The following TMC2 variants were observed in gnomAD, a reference collection of about 807,000 sequenced individuals.
TMC2 encodes the protein transmembrane channel-like protein 2.
TMC2 carries 102 observed loss-of-function variants against 105.9 expected under a neutral mutation model. That is an observed-to-expected ratio of 0.96 (90% CI 0.82 to 1.14). TMC2 has a LOEUF of 1.14. TMC2 is among the 50% of genes most tolerant of loss of function. The pLI is 0.00. For missense variants in TMC2, 1,093 were observed against 1,134.3 expected (o/e 0.96, Z 0.52); for synonymous variants, 402 against 422.8 (o/e 0.95, Z 0.60).
At chr20:2,579,376 G>GATTT (rs1186810931) in intron 6 of TMC2, 149 bp downstream of exon 6, 5 of 312,148 alleles carry the variant, frequency 1.6e-5, no homozygotes, top group African/African-American at 8.9e-5. Context: ...GTCAGGCCAA[G>GATTT]ATTTATTTTT....
Position 2,590,507 on chromosome 20 carries a change from A to G in TMC2, c.835-1803A>G, listed in dbSNP as rs768680672. Among the ~76,000 whole-genome samples, 3 of 152,082 alleles carry G rather than the reference A, an allele frequency of 2.0e-5. 1 individual carries two copies. The South Asian group carries it at 6.2e-4, about 31-fold the overall frequency. On this transcript the variant is annotated intron_variant, in intron 7 of 19. Coordinates refer to ENST00000358864, the MANE Select transcript of TMC2 (RefSeq NM_080751.3). ...AAACAAAGAAACAAAAAGAAATAAA[A>G]GAAAATTACCTAAAAATGAAGAACC...
At chr20:2,613,112 T>C in intron 13 of TMC2, 82 bp from the exon 14 acceptor site, 5 of 1,535,816 alleles carry the variant, frequency 3.3e-6, no homozygotes, top group Non-Finnish European at 4.4e-6. Context: ...GAGAGTTTAT[T>C]AGACTCTCAA....
chr20:2,575,567 G>A (rs2086138297), intron 5 of TMC2, among the ~76,000 whole-genome samples: 1 of 152,078 alleles, frequency 6.6e-6, no homozygotes, highest in South Asian at 2.1e-4. Context: ...AACTAATTAA[G>A]TACACAATAC....
chr20:2,602,471 C>G (rs980471489), intron 11 of TMC2, among the ~76,000 whole-genome samples, 170 bp downstream of exon 11: 7 of 152,166 alleles, frequency 4.6e-5, no homozygotes, highest in African/African-American at 1.4e-4. Flanking sequence ...AAAAAGTCAC[C>G]TATTATTAGG....
At chr20:2,562,579 T>A (rs2086035116) in intron 4 of TMC2, among the ~76,000 whole-genome samples, 2 of 152,224 alleles carry the variant, frequency 1.3e-5, no homozygotes, top group South Asian at 4.1e-4. Context: ...TCGACTCCTG[T>A]TTTCTACTCA....
At chr20:2,552,213 G>A (rs901965818) in intron 2 of TMC2, among the ~76,000 whole-genome samples, 1 of 152,146 alleles carries the variant, frequency 6.6e-6, no homozygotes, top group Non-Finnish European at 1.5e-5. Flanking sequence ...AGCTATATTC[G>A]TGCCATTGCA....
Position 2,612,308 on chromosome 20 carries a change from C to T in TMC2, c.1711C>T (p.Arg571Trp), listed in dbSNP as rs149029565. Residue 571 changes from arginine to tryptophan, a missense_variant, in exon 13 of 20, where the codon CGG (arginine) becomes TGG (tryptophan). Arg to Trp is a moderately radical substitution (Grantham distance 101). Coordinates refer to ENST00000358864, the MANE Select transcript of TMC2 (RefSeq NM_080751.3). Reference sequence around the variant, plus strand: ...ACCCCTGCACCCTGCAGATGTGCCCCGGGGTTCTTGCTGGGAGACAGCTGT... The same window carrying T: ...ACCCCTGCACCCTGCAGATGTGCCCTGGGGTTCTTGCTGGGAGACAGCTGT... ...RPPLHPADVPRGSCWETAVGI... is the reference protein window; with the variant it reads ...RPPLHPADVPWGSCWETAVGI... The T allele has an allele frequency of 3.8e-5, 61 of 1,588,970 alleles. No individual in the cohort carries two copies. The highest frequency in any genetic ancestry group is 3.7e-4 in the African/African-American group (28 of 74,760).
intron 17 of TMC2, among the ~76,000 whole-genome samples, chr20:2,628,956 G>A (rs2086583340): frequency 6.6e-6 from 1 of 151,582 alleles, no homozygotes; most frequent in Non-Finnish European, 1.5e-5. Flanking sequence ...CAAAAAATTA[G>A]CCGGGCGTGG....
At chr20:2,550,286 C>T (rs1389053079) in intron 2 of TMC2, among the ~76,000 whole-genome samples, 2 of 152,094 alleles carry the variant, frequency 1.3e-5, no homozygotes, top group East Asian at 3.9e-4. Context: ...GAGGCAGAGG[C>T]TGTAGTGTGC....
intron 2 of TMC2, among the ~76,000 whole-genome samples, chr20:2,540,718 C>A (rs2085884333): frequency 1.3e-5 from 2 of 151,644 alleles, no homozygotes; most frequent in Admixed American, 1.3e-4. Flanking sequence ...TGTTTGGTGC[C>A]TCTTTTTGCC....
chr20:2,610,333 G>A (rs1600128657), intron 11 of TMC2, 86 bp from the exon 12 acceptor site: 2 of 1,268,586 alleles, frequency 1.6e-6, no homozygotes, highest in Non-Finnish European at 2.2e-6. Context: ...GCAGAGAAGT[G>A]GAGATGGATG....
rs756376702 is a variant in TMC2 at position 2,610,615 on chromosome 20, C to T, written c.1593+17C>T. The T allele has an allele frequency of 5.4e-6, 8 of 1,485,502 alleles. No homozygotes were observed. The highest frequency in any genetic ancestry group is 7.2e-6 in the Non-Finnish European group (8 of 1,105,532). The allele number at this position is 1,485,502 out of a possible 1,614,324, so 92.0% of individuals were successfully genotyped here. On this transcript the variant is annotated intron_variant, in intron 12 of 19. Transcript: ENST00000358864. ...CACCTCAAGGTAAAAACCACAACACCCCCCACCCCACTGCAATTCCTGGTG... is the reference window on the plus strand; with the variant it reads ...CACCTCAAGGTAAAAACCACAACACTCCCCACCCCACTGCAATTCCTGGTG...
intron 11 of TMC2, among the ~76,000 whole-genome samples, chr20:2,604,896 T>C (rs1037553741): frequency 6.6e-6 from 1 of 152,232 alleles, no homozygotes; most frequent in Non-Finnish European, 1.5e-5. Flanking sequence ...CTGAGTTATA[T>C]CCTTTGAAAT....
At chr20:2,590,668 C>T (rs949014453) in intron 7 of TMC2, among the ~76,000 whole-genome samples, 4 of 151,994 alleles carry the variant, frequency 2.6e-5, no homozygotes, top group Admixed American at 2.0e-4. Context: ...AATGCAATGT[C>T]AGGAAAATTA....
At chr20:2,585,603 A>G (rs2086226122) in intron 7 of TMC2, among the ~76,000 whole-genome samples, 1 of 152,208 alleles carries the variant, frequency 6.6e-6, no homozygotes, top group Non-Finnish European at 1.5e-5. Flanking sequence ...GCTCACTCAC[A>G]TGGCTACTGG....
At chr20:2,610,627 T>G (rs1307897382) in intron 12 of TMC2, 29 bp downstream of exon 12, 4 of 1,402,656 alleles carry the variant, frequency 2.9e-6, no homozygotes, top group Non-Finnish European at 3.8e-6. Context: ...CCCACCCCAC[T>G]GCAATTCCTG....
intron 2 of TMC2, among the ~76,000 whole-genome samples, chr20:2,545,434 G>A (rs1281052021): frequency 6.6e-6 from 1 of 152,094 alleles, no homozygotes; most frequent in Non-Finnish European, 1.5e-5. Flanking sequence ...TCTGAGAGTA[G>A]GTTTTAGTTT....
chr20:2,632,482 C>A (rs2086610422), intron 17 of TMC2, among the ~76,000 whole-genome samples: 2 of 152,120 alleles, frequency 1.3e-5, no homozygotes, highest in Non-Finnish European at 2.9e-5. Context: ...CTCTTAAATA[C>A]AGCATCAAGG....
intron 2 of TMC2, among the ~76,000 whole-genome samples, chr20:2,552,209 A>G (rs1288878966): frequency 6.6e-6 from 1 of 152,208 alleles, no homozygotes; most frequent in Admixed American, 6.5e-5. Context: ...AGTGAGCTAT[A>G]TTCGTGCCAT....
Sources: gnomAD v4.1 joint callset for allele counts (sites outside exome capture counted in the v4.1 genomes callset) on GRCh38, gnomAD v4.1.1 for gene constraint, MANE v1.5 for transcripts, NCBI Gene and HGNC (gene_info 2026-07-23, HGNC 2026-07-21) for gene names.